The following PDSS2 variants were observed in gnomAD, a reference collection of about 807,000 sequenced individuals.
PDSS2 encodes decaprenyl diphosphate synthase subunit 2.
Under a neutral mutation model 44.5 loss-of-function variants are expected in PDSS2, and 31 were observed. The observed-to-expected ratio is 0.70, with a 90% CI of 0.52 to 0.94. The LOEUF (loss-of-function observed/expected upper bound fraction) is 0.94, where lower values mean the gene tolerates loss of function less well. Ranked by LOEUF, PDSS2 falls within the 40% of genes least tolerant of loss-of-function variation. The pLI is 0.00. For synonymous variants in PDSS2, 157 were observed against 180.3 expected (o/e 0.87, Z 1.03); for missense variants, 452 against 482.2 (o/e 0.94, Z 0.59).
chr6:107,392,023 C>G, intron 1 of PDSS2, among the ~76,000 whole-genome samples: 2 of 152,130 alleles, frequency 1.3e-5, no homozygotes, highest in East Asian at 3.9e-4. Flanking sequence ...AGCCATTTTA[C>G]TAATGGGAAA....
At chr6:107,267,431 G>A (rs954132097) in intron 3 of PDSS2, among the ~76,000 whole-genome samples, 1 of 152,140 alleles carries the variant, frequency 6.6e-6, no homozygotes, top group Non-Finnish European at 1.5e-5. Context: ...CAGTTTGTGA[G>A]TCCCAGGGGC....
rs1770820649 is a variant in PDSS2, at chr6:107,154,676, G to A, written c.1143C>T (p.Pro381=). Residue 381 remains proline, a synonymous_variant, in exon 8 of 8, where the codon CCC becomes CCT. Coordinates refer to ENST00000369037, the MANE Select transcript of PDSS2 (RefSeq NM_020381.4). ...KALEALESFP[P]SEARSALENI... ...TTTCTAAAGCAGATCTGGCCTCCGA[G>A]GGAGGAAAGCTCTCCAGGGCCTCCA... 1.9e-6 allele frequency: 3 copies of A among 1,614,128 alleles called. No homozygotes were observed. The South Asian group carries it at 3.3e-5, about 18-fold the overall frequency.
intron 2 of PDSS2, among the ~76,000 whole-genome samples, chr6:107,293,369 A>G (rs1232983535): frequency 2.0e-5 from 3 of 152,232 alleles, no homozygotes; most frequent in Non-Finnish European, 2.9e-5. Context: ...CTCTGACTGC[A>G]GCACAGTTTT....
chr6:107,283,161 A>G (rs2114985494), intron 2 of PDSS2, among the ~76,000 whole-genome samples: 1 of 151,706 alleles, frequency 6.6e-6, no homozygotes, highest in Non-Finnish European at 1.5e-5. Flanking sequence ...TCAATGAAAA[A>G]TGAAAAGAAA....
At chr6:107,318,936 C>T (rs1777291037) in intron 2 of PDSS2, among the ~76,000 whole-genome samples, 1 of 151,656 alleles carries the variant, frequency 6.6e-6, no homozygotes, top group Admixed American at 6.6e-5. Flanking sequence ...TGCAGTGAGC[C>T]GAGATTGTGC....
chr6:107,388,659 C>T (rs1351902658), intron 1 of PDSS2, among the ~76,000 whole-genome samples: 1 of 152,086 alleles, frequency 6.6e-6, no homozygotes, highest in Non-Finnish European at 1.5e-5. Flanking sequence ...GGGGTTTCAC[C>T]GTGTTAGCCA....
chr6:107,381,519 A>G (rs369775855), intron 1 of PDSS2, among the ~76,000 whole-genome samples: 4 of 152,202 alleles, frequency 2.6e-5, no homozygotes, highest in East Asian at 1.9e-4. Flanking sequence ...CATTAAATTC[A>G]TTAGGTGTTG....
chr6:107,269,961 C>G (rs1436902491), intron 3 of PDSS2, among the ~76,000 whole-genome samples: 1 of 152,022 alleles, frequency 6.6e-6, no homozygotes, highest in Admixed American at 6.6e-5. Context: ...GCCACCGTGC[C>G]CAAATGCCAC....
intron 7 of PDSS2, among the ~76,000 whole-genome samples, chr6:107,181,620 TG>T (rs909755248): frequency 2.0e-5 from 3 of 150,794 alleles, no homozygotes; most frequent in Non-Finnish European, 1.5e-5. Flanking sequence ...TCGGGCACCG[TG>T]GCTCACACCT....
intron 2 of PDSS2, among the ~76,000 whole-genome samples, chr6:107,319,472 C>T (rs1777315480): frequency 6.6e-6 from 1 of 152,084 alleles, no homozygotes; most frequent in African/African-American, 2.4e-5. Context: ...GTATACCAGG[C>T]ACAGAAAGAA....
chr6:107,228,707 T>C (rs59321944), intron 4 of PDSS2, among the ~76,000 whole-genome samples: 4 of 111,756 alleles, frequency 3.6e-5, no homozygotes, highest in African/African-American at 1.5e-4. Flanking sequence ...AATAAATAAA[T>C]AAATAAATAA....
At chr6:107,184,130 G>C (rs1772083749) in intron 7 of PDSS2, among the ~76,000 whole-genome samples, 1 of 152,154 alleles carries the variant, frequency 6.6e-6, no homozygotes, top group African/African-American at 2.4e-5. Context: ...TAAAGTCCCA[G>C]GGTAGGAGAT....
intron 7 of PDSS2, among the ~76,000 whole-genome samples, chr6:107,167,191 C>T (rs775549904): frequency 1.3e-5 from 2 of 152,030 alleles, no homozygotes; most frequent in Non-Finnish European, 2.9e-5. Flanking sequence ...TCAACTTCTT[C>T]CTGGTTTAGT....
intron 1 of PDSS2, among the ~76,000 whole-genome samples, chr6:107,457,832 G>A (rs1321759660): frequency 6.6e-6 from 1 of 152,158 alleles, no homozygotes; most frequent in Non-Finnish European, 1.5e-5. Flanking sequence ...TTAAATAAAA[G>A]TATTGTATCA....
intron 4 of PDSS2, among the ~76,000 whole-genome samples, chr6:107,240,796 G>A (rs910965799): frequency 1.3e-5 from 2 of 151,838 alleles, no homozygotes; most frequent in African/African-American, 4.8e-5. Context: ...AAAAAGCAGA[G>A]AGGGGAGATA....
chr6:107,223,632 T>C (rs1463255824), intron 4 of PDSS2, among the ~76,000 whole-genome samples: 2 of 151,182 alleles, frequency 1.3e-5, no homozygotes, highest in African/African-American at 4.9e-5. Flanking sequence ...GGAGATCGCT[T>C]GAGTCCAGGA....
intron 1 of PDSS2, among the ~76,000 whole-genome samples, chr6:107,384,857 T>C (rs998204572): frequency 3.3e-5 from 5 of 152,052 alleles, no homozygotes; most frequent in Admixed American, 2.6e-4. Flanking sequence ...TTTCCGCAAA[T>C]AAAAACACAA....
intron 5 of PDSS2, among the ~76,000 whole-genome samples, chr6:107,211,226 C>T (rs1052786416): frequency 1.5e-4 from 22 of 151,424 alleles, no homozygotes; most frequent in African/African-American, 5.3e-4. Flanking sequence ...ATATTCCCCC[C>T]CTTATGAACT....
intron 1 of PDSS2, among the ~76,000 whole-genome samples, chr6:107,419,628 A>T (rs1281927722): frequency 1.3e-5 from 2 of 152,212 alleles, no homozygotes; most frequent in Non-Finnish European, 2.9e-5. Context: ...TTCTCTGATA[A>T]TGTGTTCTTT....
Sources: gnomAD v4.1 joint callset for allele counts (sites outside exome capture counted in the v4.1 genomes callset) on GRCh38, gnomAD v4.1.1 for gene constraint, MANE v1.5 for transcripts, NCBI Gene and HGNC (gene_info 2026-07-23, HGNC 2026-07-21) for gene names.